Variants in PITPNC1 observed in about 807,000 individuals in gnomAD.
PITPNC1 encodes the protein phosphatidylinositol transfer protein cytoplasmic 1.
In PITPNC1, 18 loss-of-function variants were observed where a neutral mutation model predicts 44.7. That is an observed-to-expected ratio of 0.40 (90% confidence interval 0.28 to 0.60). The LOEUF (loss-of-function observed/expected upper bound fraction) is 0.60. Ranked by LOEUF, PITPNC1 falls within the 20% of genes least tolerant of loss-of-function variation. The pLI, the probability that PITPNC1 is intolerant of heterozygous loss-of-function variation, is 0.39. For missense variants in PITPNC1, 290 were observed against 418.4 expected, an observed-to-expected ratio of 0.69 and a Z score of 2.68; for synonymous variants, 141 against 149.6, an observed-to-expected ratio of 0.94 and a Z score of 0.42.
At chr17:67,462,225 CTTTTTTTTTTTT>C (rs549707875) in intron 1 of PITPNC1, among the ~76,000 whole-genome samples, 2 of 71,256 alleles carry the variant, frequency 2.8e-5, no homozygotes, top group African/African-American at 6.2e-5. Flanking sequence ...TTCTTTCTTT[CTTTTTTTTTTTT>C]TTTTTTTTTT....
At chr17:67,623,580 C>T (rs1426787329) in intron 5 of PITPNC1, among the ~76,000 whole-genome samples, 4 of 152,152 alleles carry the variant, frequency 2.6e-5, no homozygotes, top group Admixed American at 6.6e-5. Context: ...GACGGGGTTT[C>T]ATCATGTTGA....
At chr17:67,686,687 G>A (rs1319684976) in intron 8 of PITPNC1, among the ~76,000 whole-genome samples, 2 of 152,192 alleles carry the variant, frequency 1.3e-5, no homozygotes, top group African/African-American at 2.4e-5. Context: ...TGAAAGCTAT[G>A]TGGAAGGTAA....
intron 1 of PITPNC1, among the ~76,000 whole-genome samples, chr17:67,414,051 A>G (rs1345839646): frequency 6.6e-6 from 1 of 151,732 alleles, no homozygotes; most frequent in East Asian, 1.9e-4. Flanking sequence ...ATACCAAACC[A>G]TGTTATGGTA....
In PITPNC1 at chr17:67,483,583, G is replaced by A. The variant is rs192888223; in HGVS notation, c.49-49219G>A. Among the ~76,000 whole-genome samples, 400 of 152,248 alleles carry A rather than the reference G, an allele frequency of 2.6e-3. 3 individuals carry two copies. Among genetic ancestry groups the A allele is most frequent in the African/African-American group, 8.1e-3 (335 of 41,564 alleles). ...TCTGGGGTATGATTCTGGTTTGATC[G>A]TTGCAGTGTTTTGGAAAATGTTTGA... On this transcript the variant is annotated intron_variant, in intron 1 of 8. Transcript: ENST00000581322.
chr17:67,663,755 G>A (rs1476447914), intron 6 of PITPNC1, among the ~76,000 whole-genome samples: 1 of 152,100 alleles, frequency 6.6e-6, no homozygotes, highest in South Asian at 2.1e-4. Context: ...TCTAGGATGC[G>A]GGTGGTAACT....
chr17:67,383,488 G>A (rs2143781253), intron 1 of PITPNC1, among the ~76,000 whole-genome samples: 1 of 152,286 alleles, frequency 6.6e-6, no homozygotes, highest in South Asian at 2.1e-4. Context: ...CCTTGTGTCT[G>A]CTTAGCGGGA....
chr17:67,419,172 GAA>G (rs34975055), intron 1 of PITPNC1, among the ~76,000 whole-genome samples: 30 of 148,488 alleles, frequency 2.0e-4, no homozygotes, highest in Middle Eastern at 3.4e-3. Flanking sequence ...GAGGAAGGGA[GAA>G]AAAAAAAAAT....
At chr17:67,453,389 GA>G (rs1193167394) in intron 1 of PITPNC1, among the ~76,000 whole-genome samples, 3 of 152,146 alleles carry the variant, frequency 2.0e-5, no homozygotes, top group East Asian at 1.9e-4. Flanking sequence ...GAGGAGGAAA[GA>G]AACTCAATCT....
intron 1 of PITPNC1, among the ~76,000 whole-genome samples, chr17:67,467,996 C>T (rs563570540): frequency 1.9e-4 from 29 of 152,240 alleles, no homozygotes; most frequent in Middle Eastern, 3.4e-3. Context: ...GGAAGCAGAC[C>T]ACAGAGCAGA....
Position 67,686,925 on chromosome 17 carries a change from A to T in PITPNC1, c.683-5647A>T. ...TTTGGTTGGTTTAGCTAACTTTATG[A>T]CTTACTCATCATAAAGTTAGACAAG... On this transcript the variant is annotated intron_variant, in intron 8 of 8. Transcript: ENST00000581322. 6.5e-6 allele frequency: 4 copies of T among 617,642 alleles called. No homozygotes were observed. In the South Asian group the frequency reaches 8.0e-5, roughly 12 times the overall value. 38.3% of individuals were successfully genotyped at this position (617,642 alleles called of 1,614,324 possible).
At chr17:67,417,423 C>G (rs183676821) in intron 1 of PITPNC1, among the ~76,000 whole-genome samples, 50 of 152,276 alleles carry the variant, frequency 3.3e-4, no homozygotes, top group Admixed American at 9.2e-4. Context: ...AGCAGCCACA[C>G]CAGGTCCACA....
Position 67,429,069 on chromosome 17 carries a change from G to A in PITPNC1, c.48+50867G>A, listed in dbSNP as rs565111999. ...TTGGTCAGGCTGGTCTCGAACTCCC[G>A]ACCTCAGGTGATCCACCTGCCTTGG... On this transcript the variant is annotated intron_variant, in intron 1 of 8. Transcript: ENST00000581322. 1.1e-4 allele frequency among the ~76,000 whole-genome samples: 17 copies of A among 152,040 alleles called. 1 individual carries two copies. The highest frequency in any genetic ancestry group is 1.8e-4 in the Non-Finnish European group (12 of 67,970).
At chr17:67,399,600 T>C (rs879726753) in intron 1 of PITPNC1, among the ~76,000 whole-genome samples, 9 of 152,148 alleles carry the variant, frequency 5.9e-5, no homozygotes, top group Non-Finnish European at 8.8e-5. Context: ...AATAAGTCAT[T>C]AGCAAAAAAA....
intron 1 of PITPNC1, among the ~76,000 whole-genome samples, chr17:67,511,746 T>C (rs2040187494): frequency 6.6e-6 from 1 of 152,218 alleles, no homozygotes; most frequent in Non-Finnish European, 1.5e-5. Context: ...TGACCTCAGA[T>C]GATCCACCCA....
intron 4 of PITPNC1, 143 bp downstream of exon 4, chr17:67,553,760 G>T: frequency 2.3e-6 from 1 of 435,880 alleles, no homozygotes; most frequent in Non-Finnish European, 4.1e-6. Flanking sequence ...GTAGGCTATT[G>T]CATCGTTATA....
At chr17:67,510,006 T>C (rs1366548270) in intron 1 of PITPNC1, among the ~76,000 whole-genome samples, 1 of 152,208 alleles carries the variant, frequency 6.6e-6, no homozygotes, top group Non-Finnish European at 1.5e-5. Context: ...ATCTGCTGCC[T>C]TTATGCAGAG....
At chr17:67,463,398 G>C (rs188368707) in intron 1 of PITPNC1, among the ~76,000 whole-genome samples, 11 of 152,174 alleles carry the variant, frequency 7.2e-5, no homozygotes, top group Non-Finnish European at 1.3e-4. Context: ...AATATTGATT[G>C]AGCTTTCTCT....
Position 67,558,627 on chromosome 17 carries a change from C to A in PITPNC1, c.294+5010C>A, listed in dbSNP as rs142113361. 7.4e-3 allele frequency among the ~76,000 whole-genome samples: 1,119 copies of A among 152,106 alleles called. 17 individuals carry two copies. Among genetic ancestry groups the A allele is most frequent in the African/African-American group, 0.025 (1,043 of 41,466 alleles). On this transcript the variant is annotated intron_variant, in intron 4 of 8. Coordinates refer to ENST00000581322, the MANE Select transcript of PITPNC1 (RefSeq NM_012417.4). The stretch of plus-strand genomic sequence containing the variant: ...CAGGGACCTAGAGTAATACAGTTGG[C>A]GTATATATTTTGCGACCGTGATCAC...
intron 5 of PITPNC1, among the ~76,000 whole-genome samples, chr17:67,625,550 G>A (rs928694977): frequency 2.0e-5 from 3 of 152,228 alleles, no homozygotes; most frequent in African/African-American, 7.2e-5. Context: ...TAATGGTGTT[G>A]GCTTAATTCT....
Sources: gnomAD v4.1 joint callset for allele counts (sites outside exome capture counted in the v4.1 genomes callset) on GRCh38, gnomAD v4.1.1 for gene constraint, MANE v1.5 for transcripts, NCBI Gene and HGNC (gene_info 2026-07-23, HGNC 2026-07-21) for gene names.